Variants in FLYWCH1 observed in about 807,000 individuals in gnomAD.
FLYWCH1 encodes FLYWCH-type zinc finger-containing protein 1.
In FLYWCH1, 75 loss-of-function variants were observed where a neutral mutation model predicts 66.4. That is an observed-to-expected ratio of 1.13 (90% CI 0.94 to 1.37). The LOEUF is 1.37. Ranked by LOEUF, FLYWCH1 falls within the 40% of genes most tolerant of loss-of-function variation. The pLI, the probability that FLYWCH1 is intolerant of heterozygous loss-of-function variation, is 0.00. For synonymous variants in FLYWCH1, 595 were observed against 429.9 expected (o/e 1.38, Z -4.75); for missense variants, 1,334 against 1,001.8 (o/e 1.33, Z -4.48).
chr16:2,944,395 A>G (rs77657497), intron 9 of FLYWCH1, among the ~76,000 whole-genome samples: 2 of 77,016 alleles, frequency 2.6e-5, no homozygotes, highest in Admixed American at 1.4e-4. Flanking sequence ...ACTCCATCTC[A>G]AAAAAAAAAA....
chr16:2,913,567 C>T (rs1400396060), intron 1 of FLYWCH1, among the ~76,000 whole-genome samples: 2 of 152,124 alleles, frequency 1.3e-5, no homozygotes, highest in Non-Finnish European at 2.9e-5. Flanking sequence ...CAGGTAGAGA[C>T]CGGGGTTGCT....
chr16:2,918,426 C>T (rs1480758474), intron 2 of FLYWCH1, among the ~76,000 whole-genome samples: 1 of 151,046 alleles, frequency 6.6e-6, no homozygotes, highest in Non-Finnish European at 1.5e-5. Flanking sequence ...GGATTACAGG[C>T]GTGAGCCACC....
chr16:2,913,202 A>T (rs532111436), intron 1 of FLYWCH1: 1 of 152,318 alleles, frequency 6.6e-6, no homozygotes, highest in Admixed American at 6.5e-5. Context: ...CTGCTTGCCA[A>T]AGCTGGCAAG....
chr16:2,936,571 C>A (rs766207371), intron 6 of FLYWCH1: 2 of 456,694 alleles, frequency 4.4e-6, no homozygotes, highest in South Asian at 3.1e-5. Context: ...CCTGAGCCTG[C>A]ACGGAGGAAA....
chr16:2,937,218 T>C lies in FLYWCH1; in HGVS notation c.1611T>C (p.Tyr537=). 1 of 1,546,736 alleles carries C rather than the reference T, an allele frequency of 6.5e-7. No individual in the cohort carries two copies. Among genetic ancestry groups the C allele is most frequent in the Middle Eastern group, 2.0e-4 (1 of 4,938 alleles). The change falls in exon 7 of 10, where the codon TAT becomes TAC. Residue 537 remains tyrosine, a synonymous_variant. Coordinates refer to ENST00000253928, the MANE Select transcript of FLYWCH1 (RefSeq NM_001308068.2). ...RREKAAGEKV[Y]WTCRDQARMG... ...AGAAGGCGGCCGGGGAGAAGGTGTA[T>C]TGGACCTGCCGGGACCAGGCCCGCA... is the stretch of plus-strand genomic sequence containing the variant.
chr16:2,928,488 A>T (rs2070648745), intron 2 of FLYWCH1, among the ~76,000 whole-genome samples: 1 of 152,196 alleles, frequency 6.6e-6, no homozygotes, highest in Non-Finnish European at 1.5e-5. Flanking sequence ...TTTACCAGGC[A>T]TACTGTCTGC....
At chr16:2,938,162 A>C in intron 7 of FLYWCH1, 22 bp from the exon 8 acceptor site, 1 of 1,607,058 alleles carries the variant, frequency 6.2e-7, no homozygotes, top group Non-Finnish European at 8.5e-7. Context: ...GGCCCCACTC[A>C]CAGTGTCACT....
chr16:2,925,853 C>G (rs1421930805), intron 2 of FLYWCH1, among the ~76,000 whole-genome samples: 1 of 152,190 alleles, frequency 6.6e-6, no homozygotes, highest in African/African-American at 2.4e-5. Flanking sequence ...CCGGAGCCGA[C>G]CAGGCCTTCG....
intron 2 of FLYWCH1, chr16:2,922,795 C>T (rs2070420371): frequency 3.8e-6 from 2 of 522,568 alleles, no homozygotes; most frequent in Non-Finnish European, 7.6e-6. Context: ...TCTTCACAGC[C>T]TGTTTGAGCT....
intron 9 of FLYWCH1, among the ~76,000 whole-genome samples, chr16:2,947,890 A>G (rs2071550328): frequency 6.6e-6 from 1 of 150,792 alleles, no homozygotes; most frequent in South Asian, 2.1e-4. Flanking sequence ...TTTTTTTTTT[A>G]ATTAGCCAGA....
chr16:2,939,858 T>C, intron 8 of FLYWCH1, 174 bp from the exon 9 acceptor site: 3 of 618,968 alleles, frequency 4.8e-6, no homozygotes, highest in Non-Finnish European at 8.0e-6. Flanking sequence ...GGAGCTCAAG[T>C]AGCTGCTGTT....
chr16:2,937,583 G>C (rs955814259), intron 7 of FLYWCH1, among the ~76,000 whole-genome samples, 199 bp downstream of exon 7: 1 of 152,190 alleles, frequency 6.6e-6, no homozygotes, highest in Admixed American at 6.5e-5. Flanking sequence ...GTGGGGACTG[G>C]CTGTCGGAGG....
chr16:2,940,296 G>C (rs1596394275), intron 9 of FLYWCH1: 2 of 519,616 alleles, frequency 3.8e-6, no homozygotes, highest in East Asian at 6.6e-5. Context: ...TGGAGGCCCT[G>C]CTCCTCACCA....
At chr16:2,922,711 G>T in intron 2 of FLYWCH1, 1 of 496,728 alleles carries the variant, frequency 2.0e-6, no homozygotes. Context: ...TCAGGAGCCA[G>T]TGGAACATGT....
At chr16:2,931,264 C>T (rs2070752401) in intron 4 of FLYWCH1, among the ~76,000 whole-genome samples, 2 of 144,246 alleles carry the variant, frequency 1.4e-5, no homozygotes, top group Non-Finnish European at 1.5e-5. Flanking sequence ...GATCGCTCCA[C>T]TGTATTCCAG....
intron 6 of FLYWCH1, chr16:2,936,555 G>C: frequency 4.4e-6 from 2 of 454,892 alleles, no homozygotes; most frequent in Non-Finnish European, 8.8e-6. Context: ...CCCCACCTCT[G>C]TGGCCCCTGA....
chr16:2,933,412 G>A lies in FLYWCH1; in HGVS notation c.1079G>A (p.Ser360Asn), dbSNP rs1312723682. 19 of 1,601,574 alleles carry A rather than the reference G, an allele frequency of 1.2e-5. No homozygotes were observed. The highest frequency in any genetic ancestry group is 1.5e-5 in the Non-Finnish European group (18 of 1,174,918). The change falls in exon 5 of 10, where the codon AGC becomes AAC. Residue 360 changes from serine (S) to asparagine (N), a missense_variant. By Grantham distance (46) the Ser-to-Asn change is conservative. Transcript: ENST00000253928. ...CAGGCTGGGCAGGACGGCCCTGGGA[G>A]CCAAGTGGACACGCTGCTCCGAGGC... ...TLQAGQDGPGSQVDTLLRGVD... is the reference protein window; with the variant it reads ...TLQAGQDGPGNQVDTLLRGVD...
intron 2 of FLYWCH1, among the ~76,000 whole-genome samples, chr16:2,919,796 C>T (rs1437356515): frequency 2.6e-5 from 4 of 152,168 alleles, no homozygotes; most frequent in East Asian, 1.9e-4. Flanking sequence ...CATTGCCACC[C>T]GTGTAATTTT....
At chr16:2,924,332 A>C (rs557583891) in intron 2 of FLYWCH1, among the ~76,000 whole-genome samples, 45 of 147,466 alleles carry the variant, frequency 3.1e-4, no homozygotes, top group Admixed American at 4.1e-4. Flanking sequence ...CTCCATCTCA[A>C]AAAAAAAAAA....
Sources: allele counts gnomAD v4.1 joint callset (sites outside exome capture counted in the v4.1 genomes callset), GRCh38; gene constraint gnomAD v4.1.1; transcripts MANE v1.5; gene names NCBI Gene and HGNC (gene_info 2026-07-23, HGNC 2026-07-21).